PLS3: variants seen among roughly 807,000 people sequenced by gnomAD.
The protein encoded by PLS3 is plastin 3.
A neutral mutation model predicts 46.5 loss-of-function variants in PLS3; 11 were observed. That is an observed-to-expected ratio of 0.24 (90% CI 0.15 to 0.39). PLS3 has a LOEUF of 0.39. Ranked by LOEUF, PLS3 falls within the 10% of genes least tolerant of loss-of-function variation. The pLI is 1.00. For missense variants in PLS3, 308 were observed against 461.8 expected, an observed-to-expected ratio of 0.67 and a Z score of 3.05; for synonymous variants, 167 against 162.2, an observed-to-expected ratio of 1.03 and a Z score of -0.22.
At chrX:115,579,739 T>C (rs968393829) in intron 1 of PLS3, among the ~76,000 whole-genome samples, 8 of 112,000 alleles carry the variant, frequency 7.1e-5, no homozygotes, top group African/African-American at 2.6e-4. Flanking sequence ...TTACCTATTT[T>C]CTTTCATTTT....
chrX:115,620,496 C>T lies in PLS3; in HGVS notation c.74-1750C>T, dbSNP rs185260397. Among the ~76,000 whole-genome samples the T allele has an allele frequency of 2.7e-3, 294 of 109,525 alleles. 1 individual carries two copies. Among genetic ancestry groups the T allele is most frequent in the Non-Finnish European group, 4.1e-3 (218 of 52,719 alleles). On this transcript the variant is annotated intron_variant, in intron 2 of 15. Coordinates refer to ENST00000355899, the MANE Select transcript of PLS3 (RefSeq NM_005032.7). ...AATATCTCTATAACCCAGGGTTACT[C>T]AACTTCAGCACAATTGACATTTTAA... is the stretch of plus-strand genomic sequence containing the variant.
chrX:115,645,677 C>A (rs2074944152), intron 11 of PLS3, among the ~76,000 whole-genome samples: 1 of 111,403 alleles, frequency 9.0e-6, no homozygotes, highest in African/African-American at 3.3e-5. Flanking sequence ...TACTCTCTAA[C>A]CCCTAACCCT....
intron 1 of PLS3, among the ~76,000 whole-genome samples, chrX:115,599,104 G>A (rs1387262278): frequency 9.0e-6 from 1 of 110,780 alleles, no homozygotes; most frequent in Non-Finnish European, 1.9e-5. Flanking sequence ...GGTCATATTT[G>A]TTAGGAGCTT....
At chrX:115,572,349 A>T in intron 1 of PLS3, among the ~76,000 whole-genome samples, 1 of 111,572 alleles carries the variant, frequency 9.0e-6, no homozygotes, top group East Asian at 2.8e-4. Flanking sequence ...AAAATAGAAA[A>T]TAAATTTTAA....
intron 1 of PLS3, among the ~76,000 whole-genome samples, chrX:115,577,074 T>C (rs1556631294): frequency 8.9e-6 from 1 of 112,242 alleles, no homozygotes; most frequent in African/African-American, 3.2e-5. Flanking sequence ...CTTCTCACTA[T>C]ATATTTAAAC....
intron 6 of PLS3, among the ~76,000 whole-genome samples, chrX:115,634,375 T>TA (rs782053781): frequency 8.9e-6 from 1 of 112,280 alleles, no homozygotes; most frequent in East Asian, 2.8e-4. Flanking sequence ...TATAAGCTCT[T>TA]AATTAACTGG....
At chrX:115,608,355 T>C (rs1380898952) in intron 1 of PLS3, among the ~76,000 whole-genome samples, 1 of 112,290 alleles carries the variant, frequency 8.9e-6, no homozygotes, top group African/African-American at 3.2e-5. Context: ...TTTGTGAAAT[T>C]TAACCCGTAG....
intron 1 of PLS3, among the ~76,000 whole-genome samples, chrX:115,593,021 C>T (rs2074356013): frequency 8.9e-6 from 1 of 111,791 alleles, no homozygotes; most frequent in Admixed American, 9.6e-5. Context: ...GAAGAGCTTA[C>T]ATTTTTGACA....
chrX:115,586,285 A>G (rs2074307973), intron 1 of PLS3, among the ~76,000 whole-genome samples: 1 of 105,769 alleles, frequency 9.5e-6, no homozygotes, highest in Non-Finnish European at 1.9e-5. Context: ...GCGCCCGGCC[A>G]AGAATAATCT....
At chrX:115,605,762 A>G (rs1441598345) in intron 1 of PLS3, among the ~76,000 whole-genome samples, 6 of 111,759 alleles carry the variant, frequency 5.4e-5, no homozygotes, top group African/African-American at 1.9e-4. Context: ...GCACTTGCTA[A>G]TTTTATAGGA....
chrX:115,645,480 A>G (rs1234609934), intron 11 of PLS3, among the ~76,000 whole-genome samples: 1 of 109,070 alleles, frequency 9.2e-6, no homozygotes, highest in African/African-American at 3.3e-5. Flanking sequence ...TCTAAGAGGG[A>G]AAAAAAAAGA....
At chrX:115,624,777 A>G (rs1405848612) in intron 3 of PLS3, among the ~76,000 whole-genome samples, 2 of 112,317 alleles carry the variant, frequency 1.8e-5, no homozygotes, top group East Asian at 5.6e-4. Flanking sequence ...CCAGGGCTTT[A>G]AGAAAACAAC....
chrX:115,640,181 C>G lies in PLS3; in HGVS notation c.892-227C>G, dbSNP rs188839608. The G allele has an allele frequency of 2.7e-5, 25 of 939,329 alleles. No individual in the cohort carries two copies. The Admixed American group carries it at 7.0e-4, about 26-fold the overall frequency. 77.4% of individuals were successfully genotyped at this position (939,329 alleles called of 1,213,427 possible). A position where few individuals can be genotyped will look rare whatever the true frequency, so the allele number is the denominator to read the frequency against. ...TTTATTAGCATTATTGTATTGATGACTTTAATAATTGCGAAGTCATGTCAA... is the reference window on the plus strand; with the variant it reads ...TTTATTAGCATTATTGTATTGATGAGTTTAATAATTGCGAAGTCATGTCAA... On this transcript the variant is annotated intron_variant, in intron 8 of 15. Coordinates refer to ENST00000355899, the MANE Select transcript of PLS3 (RefSeq NM_005032.7).
intron 2 of PLS3, among the ~76,000 whole-genome samples, chrX:115,619,024 G>A (rs2074623586): frequency 8.9e-6 from 1 of 112,470 alleles, no homozygotes; most frequent in Non-Finnish European, 1.9e-5. Flanking sequence ...AGGTAATAAG[G>A]TGCAGTAGTG....
intron 1 of PLS3, among the ~76,000 whole-genome samples, chrX:115,579,811 CA>C (rs1224920513): frequency 1.8e-5 from 2 of 111,383 alleles, no homozygotes; most frequent in Non-Finnish European, 3.8e-5. Context: ...CGGCTCGCTG[CA>C]GCGTCAACAT....
In PLS3 at chrX:115,622,116, T is replaced by A. The variant is rs113228979; in HGVS notation, c.74-130T>A. 2,887 of 519,785 alleles carry A rather than the reference T, an allele frequency of 5.6e-3. 58 individuals carry two copies. The African/African-American group carries it at 0.057, about 10-fold the overall frequency. The allele number at this position is 519,785 out of a possible 1,213,427, so 42.8% of individuals were successfully genotyped here. A position where few individuals can be genotyped will look rare whatever the true frequency, so the allele number is the denominator to read the frequency against. On this transcript the variant is annotated intron_variant, in intron 2 of 15. Coordinates refer to ENST00000355899, the MANE Select transcript of PLS3 (RefSeq NM_005032.7). ...TGTCCATTTCCCTTTCAAACAACTTTATGTTCCCCACAATAAGAAAATATT... is the reference window on the plus strand; with the variant it reads ...TGTCCATTTCCCTTTCAAACAACTTAATGTTCCCCACAATAAGAAAATATT...
chrX:115,620,037 TTTTAA>T lies in PLS3; in HGVS notation c.74-2195_74-2191del, dbSNP rs781998871. Reference sequence around the variant, plus strand: ...ATGGTTCCATGCAGTATACTTAATATTTTAATTTAATTTAATTTTTAATCCCCCAG... The same window carrying T: ...ATGGTTCCATGCAGTATACTTAATATTTTAATTTAATTTTTAATCCCCCAG... On this transcript the variant is annotated intron_variant, in intron 2 of 15. Transcript: ENST00000355899. 1.4e-4 allele frequency among the ~76,000 whole-genome samples: 16 copies of T among 110,815 alleles called. No individual in the cohort carries two copies. In the East Asian group the frequency reaches 1.7e-3, roughly 12 times the overall value.
chrX:115,623,892 A>G (rs2074681772), intron 3 of PLS3, among the ~76,000 whole-genome samples: 1 of 112,198 alleles, frequency 8.9e-6, no homozygotes, highest in South Asian at 3.7e-4. Flanking sequence ...TGACTAAGTA[A>G]TGATGCCTAC....
chrX:115,596,870 T>C (rs782480048), intron 1 of PLS3, among the ~76,000 whole-genome samples: 5 of 104,978 alleles, frequency 4.8e-5, no homozygotes, highest in African/African-American at 1.4e-4. Context: ...TAAGGCTGGG[T>C]GCGGTGGCTC....
Sources: allele counts gnomAD v4.1 joint callset (sites outside exome capture counted in the v4.1 genomes callset), GRCh38; gene constraint gnomAD v4.1.1; transcripts MANE v1.5; gene names NCBI Gene and HGNC (gene_info 2026-07-23, HGNC 2026-07-21).